SEL1L: variants seen among roughly 807,000 people sequenced by gnomAD.
The protein encoded by SEL1L is SEL1L adaptor subunit of SYVN1 ubiquitin ligase.
Under a neutral mutation model 109.8 loss-of-function variants are expected in SEL1L, and 52 were observed. That is an observed-to-expected ratio of 0.47 (90% CI 0.38 to 0.60). The LOEUF (loss-of-function observed/expected upper bound fraction) is 0.60, where lower values mean the gene tolerates loss of function less well. Ranked by LOEUF, SEL1L falls within the 20% of genes least tolerant of loss-of-function variation. The pLI is 0.00. For missense variants in SEL1L, 749 were observed against 962.2 expected (o/e 0.78, Z 2.93); for synonymous variants, 373 against 339.6 (o/e 1.10, Z -1.08).
intron 3 of SEL1L, among the ~76,000 whole-genome samples, chr14:81,518,723 T>C (rs1203227914): frequency 6.6e-6 from 1 of 151,318 alleles, no homozygotes; most frequent in African/African-American, 2.4e-5. Context: ...AGGAAGCCTA[T>C]TGTTTTTCTA....
At chr14:81,532,270 C>T (rs952773755) in intron 1 of SEL1L, among the ~76,000 whole-genome samples, 4 of 152,190 alleles carry the variant, frequency 2.6e-5, no homozygotes, top group Non-Finnish European at 5.9e-5. Flanking sequence ...AAGAATCCCT[C>T]ATGGAGATTG....
intron 15 of SEL1L, 107 bp from the exon 16 acceptor site, chr14:81,487,645 G>A: frequency 6.6e-7 from 1 of 1,513,868 alleles, no homozygotes; most frequent in African/African-American, 1.4e-5. Flanking sequence ...AATTCTTACT[G>A]AGTAAATATG....
chr14:81,501,065 C>T (rs1365414858), intron 6 of SEL1L, among the ~76,000 whole-genome samples: 1 of 152,150 alleles, frequency 6.6e-6, no homozygotes, highest in East Asian at 1.9e-4. Context: ...GGGATGTAAG[C>T]CTGAAAACAC....
intron 3 of SEL1L, among the ~76,000 whole-genome samples, chr14:81,514,137 G>A (rs1262936710): frequency 6.6e-6 from 1 of 152,194 alleles, no homozygotes; most frequent in South Asian, 2.1e-4. Flanking sequence ...AGGCACCTGG[G>A]CTCACTAACC....
intron 3 of SEL1L, among the ~76,000 whole-genome samples, chr14:81,517,930 CTTCTT>C: frequency 7.3e-6 from 1 of 137,300 alleles, no homozygotes; most frequent in African/African-American, 3.6e-5. Flanking sequence ...TGGGACTGAA[CTTCTT>C]CTTCTTTTTT....
At chr14:81,531,567 T>G (rs1301780727) in intron 1 of SEL1L, among the ~76,000 whole-genome samples, 2 of 152,194 alleles carry the variant, frequency 1.3e-5, no homozygotes, top group Non-Finnish European at 2.9e-5. Flanking sequence ...TTTTTCTTTT[T>G]TTTTGAGACA....
Position 81,487,548 on chromosome 14 carries a change from A to G in SEL1L, c.1484-10T>C, listed in dbSNP as rs1165091385. 14 of 1,593,068 alleles carry G rather than the reference A, an allele frequency of 8.8e-6. No homozygotes were observed. The highest frequency in any genetic ancestry group is 1.2e-5 in the Non-Finnish European group (14 of 1,175,692). On this transcript the variant is annotated splice_polypyrimidine_tract_variant and intron_variant, in intron 15 of 20. Transcript: ENST00000336735. ...TTGACTCCAATGCCATCTGTAAGAA[A>G]AAAAAAAATCACACGAGATAATAGA... is the stretch of plus-strand genomic sequence containing the variant.
At chr14:81,484,660 C>T in intron 18 of SEL1L, 1 of 283,084 alleles carries the variant, frequency 3.5e-6, no homozygotes, top group Non-Finnish European at 6.7e-6. Flanking sequence ...GTTTAATATC[C>T]CTAATTCAAA....
intron 3 of SEL1L, among the ~76,000 whole-genome samples, chr14:81,513,411 C>G (rs941139157): frequency 6.6e-6 from 1 of 152,136 alleles, no homozygotes; most frequent in Non-Finnish European, 1.5e-5. Flanking sequence ...CGGCTTCACT[C>G]CTGAAGTCAG....
intron 3 of SEL1L, among the ~76,000 whole-genome samples, chr14:81,509,586 G>C (rs1337101760): frequency 6.6e-6 from 1 of 152,164 alleles, no homozygotes; most frequent in African/African-American, 2.4e-5. Flanking sequence ...ACTTCAACTA[G>C]TAGAAATCTG....
intron 19 of SEL1L, among the ~76,000 whole-genome samples, chr14:81,480,186 T>C (rs1420083911): frequency 1.3e-5 from 2 of 152,030 alleles, no homozygotes; most frequent in Non-Finnish European, 2.9e-5. Context: ...GCACGGTGGC[T>C]CATTCTTTTT....
At position 81,475,709 on chromosome 14, in the gene SEL1L, T is replaced by A. The variant is rs1435742162; in HGVS notation, c.*1263A>T. 1.3e-5 allele frequency: 2 copies of A among 152,214 alleles called. No individual in the cohort carries two copies. The highest frequency in any genetic ancestry group is 2.9e-5 in the Non-Finnish European group (2 of 68,038). 9.4% of individuals were successfully genotyped at this position (152,214 alleles called of 1,614,324 possible). A position where few individuals can be genotyped will look rare whatever the true frequency, so the allele number is the denominator to read the frequency against. ...GTGTAATTATGTGAAACTCTTCAGT[T>A]TTTTTCCCATACTATTTAACCAGAC... On this transcript the variant is annotated 3_prime_UTR_variant, in exon 21 of 21. Transcript: ENST00000336735.
chr14:81,496,205 T>C (rs1240660505), intron 10 of SEL1L, among the ~76,000 whole-genome samples: 1 of 151,032 alleles, frequency 6.6e-6, no homozygotes, highest in Admixed American at 6.6e-5. Flanking sequence ...GTGCCTGTAG[T>C]CCCAGCTACT....
chr14:81,492,233 C>G (rs574720700), intron 12 of SEL1L, among the ~76,000 whole-genome samples: 4 of 152,052 alleles, frequency 2.6e-5, no homozygotes, highest in Non-Finnish European at 5.9e-5. Context: ...CCTCCTGATC[C>G]ACCTGCCTCA....
chr14:81,489,395 C>T lies in SEL1L; in HGVS notation c.1333-81G>A, dbSNP rs545383092. 39 of 1,102,044 alleles carry T rather than the reference C, an allele frequency of 3.5e-5. No individual in the cohort carries two copies. In the South Asian group the frequency reaches 4.9e-4, roughly 14 times the overall value. The allele number at this position is 1,102,044 out of a possible 1,614,324, so 68.3% of individuals were successfully genotyped here. A position where few individuals can be genotyped will look rare whatever the true frequency, so the allele number is the denominator to read the frequency against. Reference sequence around the variant, plus strand: ...AAGAATAAATAACTGCAAAATAAATCATTTATAAGCATATTCAAAAACATG... The same window carrying T: ...AAGAATAAATAACTGCAAAATAAATTATTTATAAGCATATTCAAAAACATG... On this transcript the variant is annotated intron_variant, in intron 13 of 20. Transcript: ENST00000336735.
At chr14:81,514,627 T>C (rs185065871) in intron 3 of SEL1L, among the ~76,000 whole-genome samples, 147 of 152,288 alleles carry the variant, frequency 9.7e-4, no homozygotes, top group South Asian at 6.4e-3. Context: ...TGCTGCTTTG[T>C]CAGTGAGCGC....
At chr14:81,498,701 T>C (rs1056924332) in intron 8 of SEL1L, 4 of 487,536 alleles carry the variant, frequency 8.2e-6, no homozygotes, top group Non-Finnish European at 1.5e-5. Flanking sequence ...AGGAAATAAA[T>C]AATATAGTTC....
intron 9 of SEL1L, 38 bp from the exon 10 acceptor site, chr14:81,498,084 T>A (rs1352405145): frequency 6.3e-7 from 1 of 1,582,694 alleles, no homozygotes; most frequent in Admixed American, 1.8e-5. Flanking sequence ...TGGAGGAAAA[T>A]CAGAAGAATT....
intron 9 of SEL1L, 141 bp downstream of exon 9, chr14:81,498,272 C>G (rs2140010523): frequency 2.4e-6 from 2 of 831,910 alleles, no homozygotes; most frequent in Middle Eastern, 2.9e-4. Context: ...AAAAGTACTT[C>G]TGAACCTCAA....
Sources: allele counts gnomAD v4.1 joint callset (sites outside exome capture counted in the v4.1 genomes callset), GRCh38; gene constraint gnomAD v4.1.1; transcripts MANE v1.5; gene names NCBI Gene and HGNC (gene_info 2026-07-23, HGNC 2026-07-21).